Variants in CTNNA3 observed in about 807,000 individuals in gnomAD.
CTNNA3 encodes the protein catenin alpha-3.
CTNNA3 carries 76 observed loss-of-function variants against 95.7 expected under a neutral mutation model. The ratio of observed to expected loss-of-function variants is 0.79; its 90% CI spans 0.66 to 0.96. CTNNA3 has a LOEUF of 0.96. Among genes scored for constraint, CTNNA3 ranks in the 40% least tolerant of loss-of-function variants. CTNNA3 has a pLI of 0.00. For synonymous variants in CTNNA3, 431 were observed against 374.4 expected, an observed-to-expected ratio of 1.15 and a Z score of -1.74; for missense variants, 1,191 against 1,089.8, an observed-to-expected ratio of 1.09 and a Z score of -1.31.
At chr10:66,603,362 C>G (rs1009854248) in intron 10 of CTNNA3, among the ~76,000 whole-genome samples, 1 of 151,818 alleles carries the variant, frequency 6.6e-6, no homozygotes, top group African/African-American at 2.4e-5. Context: ...ATATATCACA[C>G]ATAAGAATAA....
intron 11 of CTNNA3, among the ~76,000 whole-genome samples, chr10:66,459,666 T>C (rs1342241403): frequency 6.6e-6 from 1 of 152,226 alleles, no homozygotes; most frequent in African/African-American, 2.4e-5. Flanking sequence ...CAAACCTGGA[T>C]GGTATAGCCT....
intron 5 of CTNNA3, among the ~76,000 whole-genome samples, chr10:67,450,623 C>A (rs1846943461): frequency 6.6e-6 from 1 of 151,734 alleles, no homozygotes; most frequent in Admixed American, 6.6e-5. Flanking sequence ...GACACTGGAG[C>A]CTATTTGAGG....
chr10:67,599,806 A>C (rs1843029179), intron 3 of CTNNA3, among the ~76,000 whole-genome samples: 1 of 152,190 alleles, frequency 6.6e-6, no homozygotes, highest in Admixed American at 6.5e-5. Context: ...AGTTCAGCAC[A>C]AATTGATCCA....
chr10:66,567,493 C>T (rs1195530098), intron 10 of CTNNA3, among the ~76,000 whole-genome samples: 1 of 151,976 alleles, frequency 6.6e-6, no homozygotes, highest in East Asian at 1.9e-4. Flanking sequence ...GTGGTACATG[C>T]CTGTAGTCCT....
At chr10:67,127,272 G>T (rs1406732240) in intron 7 of CTNNA3, among the ~76,000 whole-genome samples, 1 of 152,076 alleles carries the variant, frequency 6.6e-6, no homozygotes, top group East Asian at 1.9e-4. Flanking sequence ...ATAGTCTGGA[G>T]AATTATTGAC....
At chr10:66,529,290 G>A (rs1475893331) in intron 10 of CTNNA3, among the ~76,000 whole-genome samples, 3 of 151,866 alleles carry the variant, frequency 2.0e-5, no homozygotes, top group Admixed American at 6.6e-5. Flanking sequence ...CACAGTGCCC[G>A]GCTAATTTTG....
chr10:66,486,623 A>G (rs2131919576), intron 11 of CTNNA3, among the ~76,000 whole-genome samples: 1 of 152,294 alleles, frequency 6.6e-6, no homozygotes, highest in Non-Finnish European at 1.5e-5. Flanking sequence ...CCATTATGGA[A>G]AACAGTATAG....
At chr10:66,508,211 T>TTTTTTTTTTTTTGTTTTTTTTTTG (rs1840528159) in intron 11 of CTNNA3, among the ~76,000 whole-genome samples, 6 of 91,178 alleles carry the variant, frequency 6.6e-5, no homozygotes, top group Non-Finnish European at 1.0e-4. Context: ...TTGTTTTCTG[T>TTTTTTTTTTTTTGTTTTTTTTTTG]TTTTTTTTTT....
chr10:66,630,087 T>C (rs1240230435), intron 9 of CTNNA3, among the ~76,000 whole-genome samples: 1 of 152,176 alleles, frequency 6.6e-6, no homozygotes, highest in Non-Finnish European at 1.5e-5. Context: ...CTGTATTTGC[T>C]CATCATTCAG....
intron 5 of CTNNA3, among the ~76,000 whole-genome samples, chr10:67,379,741 G>C (rs1843847575): frequency 6.6e-6 from 1 of 152,064 alleles, no homozygotes. Context: ...GTCTGGAGAG[G>C]CCGGGCGCGG....
At chr10:66,600,590 C>T (rs1843884913) in intron 10 of CTNNA3, among the ~76,000 whole-genome samples, 1 of 151,814 alleles carries the variant, frequency 6.6e-6, no homozygotes, top group Non-Finnish European at 1.5e-5. Flanking sequence ...TTGGCAAGAA[C>T]TGTATTTTAA....
chr10:67,139,637 T>C (rs1860459117), intron 7 of CTNNA3, among the ~76,000 whole-genome samples: 1 of 152,026 alleles, frequency 6.6e-6, no homozygotes, highest in Non-Finnish European at 1.5e-5. Flanking sequence ...GGTCTCGAAC[T>C]CCTGGCCTCA....
At chr10:66,675,227 T>A (rs1846808948) in intron 9 of CTNNA3, among the ~76,000 whole-genome samples, 1 of 151,886 alleles carries the variant, frequency 6.6e-6, no homozygotes, top group East Asian at 1.9e-4. Context: ...ACCCGATCCA[T>A]CTGCTGCTGC....
intron 15 of CTNNA3, among the ~76,000 whole-genome samples, chr10:66,034,196 AATTAT>A (rs3998978): frequency 0.77 from 116,034 of 150,274 alleles, 45,161 homozygotes; most frequent in South Asian, 0.9. Context: ...TATTTATATT[AATTAT>A]ATTATATTAT....
intron 13 of CTNNA3, among the ~76,000 whole-genome samples, chr10:66,221,525 CT>C (rs1288478816): frequency 1.3e-5 from 2 of 152,196 alleles, no homozygotes; most frequent in Admixed American, 6.5e-5. Flanking sequence ...TCCTCTGTCC[CT>C]TCAACAGCAG....
chr10:66,266,682 A>C (rs186964248), intron 13 of CTNNA3, among the ~76,000 whole-genome samples: 181 of 152,068 alleles, frequency 1.2e-3, no homozygotes, highest in African/African-American at 4.2e-3. Context: ...TGATTTCCTA[A>C]ATCTCCTCTG....
At chr10:67,310,563 G>A (rs185297726) in intron 5 of CTNNA3, among the ~76,000 whole-genome samples, 1 of 152,114 alleles carries the variant, frequency 6.6e-6, no homozygotes, top group Non-Finnish European at 1.5e-5. Flanking sequence ...ACCTGAGACT[G>A]GGCAATTTAT....
chr10:66,183,101 C>G (rs949152859), intron 13 of CTNNA3, among the ~76,000 whole-genome samples: 8 of 152,152 alleles, frequency 5.3e-5, no homozygotes, highest in African/African-American at 1.9e-4. Flanking sequence ...GCTACTATAT[C>G]AACTGGAGAA....
intron 11 of CTNNA3, among the ~76,000 whole-genome samples, chr10:66,458,101 C>G (rs1589278883): frequency 2.0e-5 from 3 of 152,264 alleles, no homozygotes; most frequent in Middle Eastern, 6.8e-3. Context: ...CCCAGAAACC[C>G]CTCTCCTGGG....
Sources: gnomAD v4.1 joint callset for allele counts (sites outside exome capture counted in the v4.1 genomes callset) on GRCh38, gnomAD v4.1.1 for gene constraint, MANE v1.5 for transcripts, NCBI Gene and HGNC (gene_info 2026-07-23, HGNC 2026-07-21) for gene names.